FANK1: variants seen among roughly 807,000 people sequenced by gnomAD.
FANK1 encodes fibronectin type III and ankyrin repeat domains 1, also known as fibronectin type 3 and ankyrin repeat domains protein 1.
A neutral mutation model predicts 45.3 loss-of-function variants in FANK1; 44 were observed. That is an observed-to-expected ratio of 0.97 (90% CI 0.76 to 1.25). The LOEUF (loss-of-function observed/expected upper bound fraction) is 1.25. Ranked by LOEUF, FANK1 falls within the 50% of genes most tolerant of loss-of-function variation. The probability of loss-of-function intolerance (pLI) is 0.00; values close to 1 mark genes in which losing one functional copy is unlikely to be tolerated. For synonymous variants in FANK1, 149 were observed against 152.5 expected (o/e 0.98, Z 0.17); for missense variants, 391 against 424.4 (o/e 0.92, Z 0.69).
intron 1 of FANK1, among the ~76,000 whole-genome samples, chr10:125,911,215 C>T (rs898750162): frequency 1.3e-5 from 2 of 152,070 alleles, no homozygotes; most frequent in African/African-American, 2.4e-5. Flanking sequence ...AAACGTCAGA[C>T]TCAGGCAATA....
intron 1 of FANK1, among the ~76,000 whole-genome samples, chr10:125,956,384 C>T (rs951688386): frequency 6.6e-6 from 1 of 152,148 alleles, no homozygotes; most frequent in African/African-American, 2.4e-5. Context: ...TGCCTCCAAG[C>T]TCTAATGTTA....
intron 1 of FANK1, among the ~76,000 whole-genome samples, chr10:125,907,991 C>A (rs551590478): frequency 3.5e-5 from 5 of 142,372 alleles, no homozygotes; most frequent in African/African-American, 1.0e-4. Context: ...TATGTTTTTT[C>A]TCCCTTTTTT....
intron 1 of FANK1, among the ~76,000 whole-genome samples, chr10:125,965,082 C>T (rs754629970): frequency 3.9e-5 from 6 of 152,078 alleles, no homozygotes; most frequent in Admixed American, 2.0e-4. Flanking sequence ...CATTTGAACC[C>T]GGGAGGCAGA....
At chr10:125,992,062 A>AAAAC (rs145161137) in intron 3 of FANK1, among the ~76,000 whole-genome samples, 4,106 of 152,302 alleles carry the variant, frequency 0.027, 174 homozygotes, top group African/African-American at 0.087. Context: ...AAACACTAGA[A>AAAAC]AAACCCGCAG....
chr10:125,920,235 A>C (rs893541615), intron 1 of FANK1, among the ~76,000 whole-genome samples: 2 of 152,198 alleles, frequency 1.3e-5, no homozygotes, highest in African/African-American at 2.4e-5. Flanking sequence ...TGGCCTGTAC[A>C]TGTTGCTTTT....
chr10:125,973,518 C>T (rs1950648203), intron 1 of FANK1: 1 of 935,154 alleles, frequency 1.1e-6, no homozygotes, highest in African/African-American at 1.8e-5. Context: ...TTCAGTAGTT[C>T]CTTCTTCCAC....
At chr10:125,935,622 G>C (rs912738614) in intron 1 of FANK1, among the ~76,000 whole-genome samples, 2 of 152,120 alleles carry the variant, frequency 1.3e-5, no homozygotes, top group Non-Finnish European at 2.9e-5. Flanking sequence ...CTGTCTTTTA[G>C]AATGCCAAAA....
intron 6 of FANK1, among the ~76,000 whole-genome samples, chr10:126,001,261 A>G (rs112894154): frequency 2.1e-3 from 327 of 152,374 alleles, no homozygotes; most frequent in African/African-American, 7.5e-3. Context: ...ATGATAGAAT[A>G]TTTAGTATGT....
At chr10:125,907,768 G>T (rs1422066116) in intron 1 of FANK1, among the ~76,000 whole-genome samples, 1 of 152,176 alleles carries the variant, frequency 6.6e-6, no homozygotes, top group Admixed American at 6.5e-5. Context: ...AGCAGGTGGT[G>T]TCTAGGACCT....
chr10:125,964,409 T>A (rs1950101167), intron 1 of FANK1, among the ~76,000 whole-genome samples: 1 of 152,030 alleles, frequency 6.6e-6, no homozygotes. Flanking sequence ...GCCAGGCTGG[T>A]CTTGAACTCC....
rs904785715 is a variant in FANK1 at position 126,005,394 on chromosome 10, G to A, written c.705+345G>A. On this transcript the variant is annotated intron_variant, in intron 7 of 10. Transcript: ENST00000368693. ...GCGATCTCGGTTCATTGAGGCCTCCGCCTCCCAGGTTCAAGCGATTCTCCT... is the reference window on the plus strand; with the variant it reads ...GCGATCTCGGTTCATTGAGGCCTCCACCTCCCAGGTTCAAGCGATTCTCCT... 2.0e-5 allele frequency among the ~76,000 whole-genome samples: 3 copies of A among 147,888 alleles called. No homozygotes were observed. The South Asian group carries it at 6.4e-4, about 32-fold the overall frequency.
chr10:125,945,611 A>G (rs1290959226), intron 1 of FANK1, among the ~76,000 whole-genome samples: 7 of 152,176 alleles, frequency 4.6e-5, no homozygotes, highest in African/African-American at 1.7e-4. Flanking sequence ...CGCCCACGGA[A>G]TCTCGCTGAC....
chr10:125,960,585 G>A (rs1949860559), intron 1 of FANK1, among the ~76,000 whole-genome samples: 3 of 152,254 alleles, frequency 2.0e-5, no homozygotes. Flanking sequence ...GGAGTGCAGT[G>A]GTGCGATCTT....
chr10:125,993,333 T>C (rs1952073153), intron 3 of FANK1, among the ~76,000 whole-genome samples: 1 of 152,186 alleles, frequency 6.6e-6, no homozygotes, highest in African/African-American at 2.4e-5. Context: ...CCACTTTTCT[T>C]CTCCTGGTTA....
At chr10:125,964,413 GA>G (rs1254170846) in intron 1 of FANK1, among the ~76,000 whole-genome samples, 2 of 151,822 alleles carry the variant, frequency 1.3e-5, no homozygotes, top group Non-Finnish European at 2.9e-5. Flanking sequence ...GGCTGGTCTT[GA>G]ACTCCTGACC....
At chr10:125,917,919 C>T (rs1946578594) in intron 1 of FANK1, among the ~76,000 whole-genome samples, 1 of 152,304 alleles carries the variant, frequency 6.6e-6, no homozygotes, top group African/African-American at 2.4e-5. Flanking sequence ...CTCATCTCTA[C>T]TTTAAAAAGA....
intron 1 of FANK1, among the ~76,000 whole-genome samples, chr10:125,937,812 A>G (rs1948198411): frequency 2.6e-5 from 4 of 152,194 alleles, no homozygotes; most frequent in Admixed American, 2.6e-4. Flanking sequence ...ACAGGAGGTG[A>G]GTGGGAATGA....
intron 1 of FANK1, among the ~76,000 whole-genome samples, chr10:125,931,143 AT>A (rs1947728748): frequency 6.6e-6 from 1 of 152,262 alleles, no homozygotes; most frequent in East Asian, 1.9e-4. Flanking sequence ...TGGTTCCACG[AT>A]TTTGGAATTG....
rs549454344 is a variant in FANK1 at position 125,990,080 on chromosome 10, C to T, written c.316+1405C>T. On this transcript the variant is annotated intron_variant, in intron 3 of 10. Transcript: ENST00000368693. ...GGCAAGCATGGCAGGGGCGATTCCT[C>T]GTGTGGCTTTCCCCTCCTCTGTCAC... 2.6e-5 allele frequency among the ~76,000 whole-genome samples: 4 copies of T among 152,312 alleles called. No individual in the cohort carries two copies. The South Asian group carries it at 8.3e-4, about 32-fold the overall frequency.
Sources: allele counts gnomAD v4.1 joint callset (sites outside exome capture counted in the v4.1 genomes callset), GRCh38; gene constraint gnomAD v4.1.1; transcripts MANE v1.5; gene names NCBI Gene and HGNC (gene_info 2026-07-23, HGNC 2026-07-21).